SHISA6: variants seen among roughly 807,000 people sequenced by gnomAD.
SHISA6 encodes the protein shisa family member 6, also known as protein shisa-6.
SHISA6 carries 22 observed loss-of-function variants against 47.9 expected under a neutral mutation model. The ratio of observed to expected loss-of-function variants is 0.46; its 90% CI spans 0.33 to 0.66. The LOEUF is 0.66. Ranked by LOEUF, SHISA6 falls within the 30% of genes least tolerant of loss-of-function variation. The probability of loss-of-function intolerance (pLI) is 0.02; values close to 1 mark genes in which losing one functional copy is unlikely to be tolerated. For missense variants in SHISA6, 680 were observed against 764.6 expected (o/e 0.89, Z 1.30); for synonymous variants, 388 against 337.8 (o/e 1.15, Z -1.63).
At chr17:11,426,779 C>T (rs949583459) in intron 3 of SHISA6, among the ~76,000 whole-genome samples, 4 of 152,078 alleles carry the variant, frequency 2.6e-5, no homozygotes, top group African/African-American at 4.8e-5. Context: ...CTGGAAGTTG[C>T]GGGGAGGGTA....
At chr17:11,327,888 C>G (rs1910956504) in intron 2 of SHISA6, among the ~76,000 whole-genome samples, 1 of 152,092 alleles carries the variant, frequency 6.6e-6, no homozygotes. Context: ...GTTAAAGTTT[C>G]CCCATTCAGA....
chr17:11,310,069 G>A, intron 2 of SHISA6, among the ~76,000 whole-genome samples: 1 of 152,210 alleles, frequency 6.6e-6, no homozygotes, highest in East Asian at 1.9e-4. Flanking sequence ...GCTGGGGAGT[G>A]GAGTGTGTCT....
At chr17:11,367,824 C>T (rs1305776648) in intron 2 of SHISA6, among the ~76,000 whole-genome samples, 1 of 152,166 alleles carries the variant, frequency 6.6e-6, no homozygotes, top group Non-Finnish European at 1.5e-5. Flanking sequence ...AATCACCTTC[C>T]TACTGGGCAT....
intron 3 of SHISA6, among the ~76,000 whole-genome samples, chr17:11,493,183 C>T (rs986528909): frequency 6.6e-6 from 1 of 152,132 alleles, no homozygotes; most frequent in African/African-American, 2.4e-5. Flanking sequence ...ACCACTTAGC[C>T]AAATAGGACT....
At chr17:11,358,800 T>C (rs538367389) in intron 2 of SHISA6, among the ~76,000 whole-genome samples, 1 of 151,784 alleles carries the variant, frequency 6.6e-6, no homozygotes, top group South Asian at 2.1e-4. Flanking sequence ...GCATCCCAAG[T>C]AGCTGGGACT....
At chr17:11,466,951 C>T (rs1915824368) in intron 3 of SHISA6, among the ~76,000 whole-genome samples, 1 of 152,118 alleles carries the variant, frequency 6.6e-6, no homozygotes, top group Admixed American at 6.5e-5. Context: ...CTCCTTCATG[C>T]ATGTCTCAAG....
intron 3 of SHISA6, among the ~76,000 whole-genome samples, chr17:11,470,984 T>C (rs896059577): frequency 6.6e-6 from 1 of 150,974 alleles, no homozygotes; most frequent in African/African-American, 2.4e-5. Context: ...CTGAGGCAGG[T>C]GGATCACCTG....
chr17:11,448,187 G>T (rs907847274), intron 3 of SHISA6, among the ~76,000 whole-genome samples: 8 of 152,008 alleles, frequency 5.3e-5, no homozygotes, highest in African/African-American at 1.7e-4. Flanking sequence ...TCCCCTACAT[G>T]ATTTTATTTA....
At chr17:11,536,925 AAC>A (rs2071793126) in intron 3 of SHISA6, among the ~76,000 whole-genome samples, 2 of 152,296 alleles carry the variant, frequency 1.3e-5, no homozygotes, top group Admixed American at 6.5e-5. Context: ...AAGCAGAACA[AAC>A]ACAGCTCCAG....
At chr17:11,287,593 G>A (rs905107436) in intron 2 of SHISA6, among the ~76,000 whole-genome samples, 8 of 134,766 alleles carry the variant, frequency 5.9e-5, no homozygotes, top group African/African-American at 2.2e-4. Context: ...GATTACTTGA[G>A]TCCATAAGGT....
rs965027990 is a variant in SHISA6 at position 11,243,964 on chromosome 17, G to A, written c.638+1904G>A. Among the ~76,000 whole-genome samples, 5 of 152,302 alleles carry A rather than the reference G, an allele frequency of 3.3e-5. No homozygotes were observed. In the East Asian group the frequency reaches 5.8e-4, roughly 18 times the overall value. On this transcript the variant is annotated intron_variant, in intron 1 of 5. Coordinates refer to ENST00000441885, the MANE Select transcript of SHISA6 (RefSeq NM_207386.4). Reference sequence around the variant, plus strand: ...CATCGCCTGGGATGATACAGAGGGCGGTGTCCTCAAATGCTGGCAGCAGGC... The same window carrying A: ...CATCGCCTGGGATGATACAGAGGGCAGTGTCCTCAAATGCTGGCAGCAGGC...
chr17:11,244,077 C>G (rs1907481227), intron 1 of SHISA6, among the ~76,000 whole-genome samples: 1 of 152,178 alleles, frequency 6.6e-6, no homozygotes, highest in African/African-American at 2.4e-5. Flanking sequence ...CCTGATGCCC[C>G]TTACGCCAAA....
intron 2 of SHISA6, among the ~76,000 whole-genome samples, chr17:11,300,159 A>G (rs941332349): frequency 1.4e-3 from 212 of 151,868 alleles, no homozygotes; most frequent in African/African-American, 4.8e-3. Context: ...CAAAAAAAAA[A>G]AAAAAAGAAA....
intron 3 of SHISA6, among the ~76,000 whole-genome samples, chr17:11,538,983 C>G (rs1484630021): frequency 1.3e-5 from 2 of 152,120 alleles, no homozygotes; most frequent in Non-Finnish European, 2.9e-5. Flanking sequence ...CTCTGTCAAC[C>G]AAGCTGGAAT....
chr17:11,277,280 T>TCACACACACACACACACACA (rs113287260), intron 2 of SHISA6, among the ~76,000 whole-genome samples: 1 of 53,864 alleles, frequency 1.9e-5, no homozygotes, highest in Non-Finnish European at 3.4e-5. Context: ...TCTCTCTCTC[T>TCACACACACACACACACACA]CACACACACA....
chr17:11,451,366 C>T (rs1255859972), intron 3 of SHISA6, among the ~76,000 whole-genome samples: 1 of 152,210 alleles, frequency 6.6e-6, no homozygotes, highest in Non-Finnish European at 1.5e-5. Context: ...AATGTACATT[C>T]ATTCATTCAT....
At chr17:11,431,955 A>G (rs1024032512) in intron 3 of SHISA6, among the ~76,000 whole-genome samples, 1 of 152,196 alleles carries the variant, frequency 6.6e-6, no homozygotes. Flanking sequence ...CATTATATAG[A>G]TGTAACAAAC....
intron 1 of SHISA6, among the ~76,000 whole-genome samples, chr17:11,261,645 T>A (rs1391476737): frequency 6.6e-6 from 1 of 152,242 alleles, no homozygotes; most frequent in Non-Finnish European, 1.5e-5. Flanking sequence ...CAGTATGCCT[T>A]TTTTAAATGA....
rs1210107045 is a variant in SHISA6 at position 11,285,155 on chromosome 17, C to A, written c.799+21629C>A. On this transcript the variant is annotated intron_variant, in intron 2 of 5. Transcript: ENST00000441885. ...CACATGCACCCCAGAAGTAAGTCTT[C>A]CTGGATGAGGCTCTGCAGTTAGGGT... Among the ~76,000 whole-genome samples the A allele has an allele frequency of 2.6e-5, 4 of 152,204 alleles. No individual in the cohort carries two copies. The East Asian group carries it at 7.7e-4, about 29-fold the overall frequency.
Sources: allele counts gnomAD v4.1 joint callset (sites outside exome capture counted in the v4.1 genomes callset), GRCh38; gene constraint gnomAD v4.1.1; transcripts MANE v1.5; gene names NCBI Gene and HGNC (gene_info 2026-07-23, HGNC 2026-07-21).